Variants in DCTN1 observed in about 807,000 individuals in gnomAD.
DCTN1 encodes the protein dynactin subunit 1.
DCTN1 carries 61 observed loss-of-function variants against 161.2 expected under a neutral mutation model. The observed-to-expected ratio is 0.38, with a 90% CI of 0.31 to 0.47. DCTN1 has a LOEUF of 0.47. Ranked by LOEUF, DCTN1 falls within the 20% of genes least tolerant of loss-of-function variation. The probability of loss-of-function intolerance (pLI) is 0.99; values close to 1 mark genes in which losing one functional copy is unlikely to be tolerated. For synonymous variants in DCTN1, 653 were observed against 632.4 expected, an observed-to-expected ratio of 1.03 and a Z score of -0.49; for missense variants, 1,404 against 1,623.7, an observed-to-expected ratio of 0.86 and a Z score of 2.33.
chr2:74,366,739 G>A, intron 21 of DCTN1, 44 bp downstream of exon 21: 1 of 1,614,232 alleles, frequency 6.2e-7, no homozygotes, highest in Non-Finnish European at 8.5e-7. Flanking sequence ...TACCCTTCAT[G>A]TTTCTACTCA....
Position 74,363,322 on chromosome 2 carries a change from T to A in DCTN1, c.3317A>T (p.Gln1106Leu), listed in dbSNP as rs758317547. Residue 1106 changes from glutamine to leucine, a missense_variant, in exon 28 of 32, where the codon CAG becomes CTG. Physicochemically the swap from Gln to Leu is moderately radical, Grantham distance 113 (BLOSUM62 -2). This residue lies in a region of DCTN1 where 311 missense variants were observed against 298.9 expected (regional missense o/e 1.04). Coordinates refer to ENST00000628224, the MANE Select transcript of DCTN1 (RefSeq NM_004082.5). Reference sequence around the variant, plus strand: ...GAGGATGCTGTTCTCATGCTGGAGCTGGGAGATGTGCAGCCTCATGGCAGA... The same window carrying A: ...GAGGATGCTGTTCTCATGCTGGAGCAGGGAGATGTGCAGCCTCATGGCAGA... The part of the protein sequence containing the change: ...QISAMRLHIS[Q>L]LQHENSILKG... The A allele has an allele frequency of 6.2e-7, 1 of 1,613,822 alleles. No individual in the cohort carries two copies. The highest frequency in any genetic ancestry group is 8.5e-7 in the Non-Finnish European group (1 of 1,179,894).
In DCTN1 at chr2:74,369,403, G is replaced by C; in HGVS notation, c.1481C>G (p.Ala494Gly). The change falls in exon 14 of 32, where the codon GCG becomes GGG. Residue 494 changes from alanine to glycine, a missense_variant. Physicochemically the swap from Ala to Gly is moderately conservative, Grantham distance 60 (BLOSUM62 0). Transcript: ENST00000628224. This position sits in a 1 kb window ranked among gnomAD's most constrained non-coding sequence, Gnocchi z 4.9. The part of the protein sequence containing the change: ...ELREQLDMAG[A>G]RVREAQKRVE... ...ACGCTTCTGGGCCTCACGAACCCGC[G>C]CGCCTGCCATGTCCAGCTGCTCCCG... 1 of 1,614,136 alleles carries C rather than the reference G, an allele frequency of 6.2e-7. No homozygotes were observed. The highest frequency in any genetic ancestry group is 1.1e-5 in the South Asian group (1 of 91,078).
chr2:74,361,929 G>A, intron 31 of DCTN1, 123 bp downstream of exon 31: 1 of 1,116,210 alleles, frequency 9.0e-7, no homozygotes, highest in Non-Finnish European at 1.3e-6. Context: ...AATTTGGCCA[G>A]ATAACCCAAG....
rs1675328804 is a variant in DCTN1, at chr2:74,378,063, A to G, written c.216T>C (p.Thr72=). Residue 72 remains threonine (T), a synonymous_variant, in exon 2 of 32, where the codon ACT becomes ACC. Coordinates refer to ENST00000628224, the MANE Select transcript of DCTN1 (RefSeq NM_004082.5). Reference sequence around the variant, plus strand: ...AAGTGAAGTACTTCCTGCCTTGAACAGTTCCATCATTTTTGCCCTTTGCTT... The same window carrying G: ...AAGTGAAGTACTTCCTGCCTTGAACGGTTCCATCATTTTTGCCCTTTGCTT... ...LDEAKGKNDG[T]VQGRKYFTCD... The G allele has an allele frequency of 6.2e-7, 1 of 1,614,172 alleles. No individual in the cohort carries two copies. The highest frequency in any genetic ancestry group is 8.5e-7 in the Non-Finnish European group (1 of 1,180,058).
chr2:74,390,642 A>G (rs1210654653), intron 1 of DCTN1: 6 of 468,294 alleles, frequency 1.3e-5, no homozygotes, highest in African/African-American at 1.0e-4. Flanking sequence ...TCTGGAAAAC[A>G]TGGTCTCTAA....
intron 1 of DCTN1, among the ~76,000 whole-genome samples, chr2:74,389,244 AAGCCAAAGTCAG>A (rs1257103957): frequency 6.6e-6 from 1 of 152,180 alleles, no homozygotes; most frequent in Non-Finnish European, 1.5e-5. Context: ...AAATGATACA[AAGCCAAAGTCAG>A]AGTCTCCAGG....
At position 74,367,391 on chromosome 2, in the gene DCTN1, C is replaced by A. The variant is rs749669951; in HGVS notation, c.2214G>T (p.Gln738His). 1.9e-6 allele frequency: 3 copies of A among 1,614,148 alleles called. No homozygotes were observed. Among genetic ancestry groups the A allele is most frequent in the Non-Finnish European group, 1.7e-6 (2 of 1,180,038 alleles). ...CCAGCTGCATAGTACAGTCCTCAGG[C>A]TGTTCGGCAAGGTGGATGCTGTACA... is the stretch of plus-strand genomic sequence containing the variant. The part of the protein sequence containing the change: ...QHLYSIHLAE[Q>H]PEDCTMQLAD... Residue 738 changes from glutamine (Q) to histidine (H), a missense_variant, in exon 19 of 32, where the codon CAG (glutamine) becomes CAT (histidine). Physicochemically the swap from Gln to His is conservative, Grantham distance 24. Coordinates refer to ENST00000628224, the MANE Select transcript of DCTN1 (RefSeq NM_004082.5).
rs2103644049 is a variant in DCTN1, at chr2:74,369,150, G to A, written c.1649C>T (p.Pro550Leu). 6.2e-7 allele frequency: 1 copy of A among 1,614,280 alleles called. No individual in the cohort carries two copies. The stretch of plus-strand genomic sequence containing the variant: ...CTTGATTTTGAAGTCAAAGGTCTCT[G>A]GAGGTGGCTGCTGTTGCCTCTCCAC... Reference protein sequence around the residue: ...ASVERQQQPPPETFDFKIKFA... With the variant: ...ASVERQQQPPLETFDFKIKFA... The change falls in exon 15 of 32, where the codon CCA (proline) becomes CTA (leucine). Residue 550 changes from proline to leucine, a missense_variant. By Grantham distance (98) the Pro-to-Leu change is moderately conservative (BLOSUM62 -3). Around this residue, in one of 9 missense-constraint regions of DCTN1, gnomAD observed 278 missense variants for 363.8 expected, o/e 0.76. Transcript: ENST00000628224. The surrounding 1 kb of genome is among the most constrained non-coding windows in gnomAD (Gnocchi z 4.9).
At position 74,365,471 on chromosome 2, in the gene DCTN1, G is replaced by A. The variant is rs369483775; in HGVS notation, c.3029+44C>T. On this transcript the variant is annotated intron_variant, in intron 25 of 31. Transcript: ENST00000628224. ...GGTTAGGAGGCAGAGAGCTCCAGCA[G>A]TGGGAGGATTAGAGGAAGCAAGGCC... 4.0e-5 allele frequency: 65 copies of A among 1,613,978 alleles called. No homozygotes were observed. In the African/African-American group the frequency reaches 7.2e-4, roughly 18 times the overall value.
In DCTN1 at chr2:74,370,701, T is replaced by A. The variant is rs770727435; in HGVS notation, c.968A>T (p.Gln323Leu). ...MAEERAESLQQEVEALKERVD... is the reference protein window; with the variant it reads ...MAEERAESLQLEVEALKERVD... Reference sequence around the variant, plus strand: ...CCGCTCCTTCAGTGCCTCCACCTCCTGCTGCAGGGACTCAGCCCGCTCTTC... The same window carrying A: ...CCGCTCCTTCAGTGCCTCCACCTCCAGCTGCAGGGACTCAGCCCGCTCTTC... The change falls in exon 10 of 32, where the codon CAG becomes CTG. Residue 323 changes from glutamine to leucine, a missense_variant. Physicochemically the swap from Gln to Leu is moderately radical, Grantham distance 113. Around this residue, in one of 9 missense-constraint regions of DCTN1, gnomAD observed 5 missense variants for 23.4 expected, o/e 0.21. Transcript: ENST00000628224. The surrounding 1 kb of genome is among the most constrained non-coding windows in gnomAD (Gnocchi z 4.4). 1 of 1,614,166 alleles carries A rather than the reference T, an allele frequency of 6.2e-7. No homozygotes were observed. The highest frequency in any genetic ancestry group is 8.5e-7 in the Non-Finnish European group (1 of 1,180,022).
In DCTN1 at chr2:74,369,377, C is replaced by A; in HGVS notation, c.1507G>T (p.Val503Leu). 1.2e-6 allele frequency: 2 copies of A among 1,614,206 alleles called. No individual in the cohort carries two copies. The highest frequency in any genetic ancestry group is 1.7e-6 in the Non-Finnish European group (2 of 1,180,040). Reference sequence around the variant, plus strand: ...GCAACCGTCTCCTGGGCTGCCTCCACACGCTTCTGGGCCTCACGAACCCGC... The same window carrying A: ...GCAACCGTCTCCTGGGCTGCCTCCAAACGCTTCTGGGCCTCACGAACCCGC... ...GARVREAQKR[V>L]EAAQETVADY... is the part of the protein sequence containing the mutation. Residue 503 changes from valine (V) to leucine (L), a missense_variant, in exon 14 of 32, where the codon GTG becomes TTG. This residue lies in a region of DCTN1 where 278 missense variants were observed against 363.8 expected (regional missense o/e 0.76). Transcript: ENST00000628224. The surrounding 1 kb of genome is among the most constrained non-coding windows in gnomAD (Gnocchi z 4.9).
At chr2:74,377,589 A>G in intron 3 of DCTN1, 59 bp downstream of exon 3, 3 of 1,540,510 alleles carry the variant, frequency 1.9e-6, no homozygotes, top group Non-Finnish European at 2.7e-6. Context: ...TGTTATGAGG[A>G]GAAGTCCTGG....
upstream of DCTN1, among the ~76,000 whole-genome samples, chr2:74,384,121 G>A (rs1326625492): frequency 1.3e-5 from 2 of 152,216 alleles, no homozygotes; most frequent in Non-Finnish European, 2.9e-5. Context: ...CATGTTAGGA[G>A]AGAGAAAATG....
In DCTN1 at chr2:74,370,300, G is replaced by A; in HGVS notation, c.1173C>T (p.Leu391=). 1.2e-6 allele frequency: 2 copies of A among 1,614,028 alleles called. No homozygotes were observed. The highest frequency in any genetic ancestry group is 1.3e-5 in the African/African-American group (1 of 75,048). ...GGTTCTTCTTTTCCATGAGCTTCTG[G>A]AGCTTCACATGCTCCTGCTTCTCTG... ...SSSEKQEHVK[L]QKLMEKKNQE... The change falls in exon 12 of 32, where the codon CTC becomes CTT. Residue 391 remains leucine (L), a synonymous_variant. Transcript: ENST00000628224. The surrounding 1 kb of genome is among the most constrained non-coding windows in gnomAD (Gnocchi z 4.4).
At chr2:74,383,115 A>T (rs2103751593), upstream of DCTN1, among the ~76,000 whole-genome samples, 1 of 152,024 alleles carries the variant, frequency 6.6e-6, no homozygotes, top group African/African-American at 2.4e-5. Flanking sequence ...AAATAAAAAT[A>T]AAAAATATGT....
upstream of DCTN1, chr2:74,380,482 A>G (rs1196781544): frequency 6.3e-6 from 3 of 475,588 alleles, no homozygotes; most frequent in African/African-American, 6.0e-5. Context: ...ACGTCCTCCT[A>G]GTCTGTACCC....
Position 74,363,673 on chromosome 2 carries a change from G to A in DCTN1, c.3197-45C>T, listed in dbSNP as rs181804404. 346 of 1,612,098 alleles carry A rather than the reference G, an allele frequency of 2.1e-4. 1 individual carries two copies. Among genetic ancestry groups the A allele is most frequent in the Non-Finnish European group, 1.3e-5 (15 of 1,179,156 alleles). On this transcript the variant is annotated intron_variant, in intron 26 of 31. Coordinates refer to ENST00000628224, the MANE Select transcript of DCTN1 (RefSeq NM_004082.5). ...TGGGGGAGCAGGAAAAGAGGAGAGA[G>A]GAGTTAGGTGATTTGGGGGTTACGG...
chr2:74,370,285 T>C lies in DCTN1; in HGVS notation c.1188A>G (p.Glu396=). Residue 396 remains glutamate, a synonymous_variant, in exon 12 of 32, where the codon GAA becomes GAG. Coordinates refer to ENST00000628224, the MANE Select transcript of DCTN1 (RefSeq NM_004082.5). This position sits in a 1 kb window ranked among gnomAD's most constrained non-coding sequence, Gnocchi z 4.4. ...QEHVKLQKLM[E]KKNQELEVVR... ...CAACTTCCAGCTCTTGGTTCTTCTTTTCCATGAGCTTCTGGAGCTTCACAT... is the reference window on the plus strand; with the variant it reads ...CAACTTCCAGCTCTTGGTTCTTCTTCTCCATGAGCTTCTGGAGCTTCACAT... 1 of 1,614,098 alleles carries C rather than the reference T, an allele frequency of 6.2e-7. No individual in the cohort carries two copies. Among genetic ancestry groups the C allele is most frequent in the Admixed American group, 1.7e-5 (1 of 60,022 alleles).
At chr2:74,367,575 A>G (rs1331615456) in intron 18 of DCTN1, 121 bp downstream of exon 18, 1 of 1,526,742 alleles carries the variant, frequency 6.5e-7, no homozygotes, top group African/African-American at 1.4e-5. Flanking sequence ...AGTTCATCTA[A>G]GAGCAAACCA....
Sources: allele counts gnomAD v4.1 joint callset (sites outside exome capture counted in the v4.1 genomes callset), GRCh38; gene constraint gnomAD v4.1.1; regional missense constraint gnomAD v4.1.1; non-coding constraint Gnocchi (gnomAD v3.1); transcripts MANE v1.5; gene names NCBI Gene and HGNC (gene_info 2026-07-23, HGNC 2026-07-21).